The following CSNK1D variants were observed in gnomAD, a reference collection of about 807,000 sequenced individuals.
CSNK1D encodes casein kinase 1 delta.
Under a neutral mutation model 46.6 loss-of-function variants are expected in CSNK1D, and 16 were observed. That is an observed-to-expected ratio of 0.34 (90% CI 0.23 to 0.52). The LOEUF is 0.52. Ranked by LOEUF, CSNK1D falls within the 20% of genes least tolerant of loss-of-function variation. The probability of loss-of-function intolerance (pLI) is 0.95; values close to 1 mark genes in which losing one functional copy is unlikely to be tolerated. For synonymous variants in CSNK1D, 276 were observed against 228.2 expected (o/e 1.21, Z -1.89); for missense variants, 398 against 578.4 (o/e 0.69, Z 3.20).
In CSNK1D at chr17:82,252,537, G is replaced by A. The variant is rs1406932856; in HGVS notation, c.633C>T (p.Leu211=). Residue 211 remains leucine (L), a synonymous_variant, in exon 5 of 9, where the codon CTC becomes CTT. Transcript: ENST00000314028. This position sits in a 1 kb window ranked among gnomAD's most constrained non-coding sequence, Gnocchi z 4.6. ...YVLMYFNLGS[L]PWQGLKAATK... is the part of the protein sequence containing the mutation. ...TGGCAGCCTTCAGCCCCTGCCAGGG[G>A]AGAGAGCCCAGGTTGAAGTACATTA... 1.9e-6 allele frequency: 3 copies of A among 1,614,050 alleles called. No individual in the cohort carries two copies. Among genetic ancestry groups the A allele is most frequent in the Admixed American group, 1.7e-5 (1 of 60,026 alleles).
intron 8 of CSNK1D, chr17:82,245,932 C>A: frequency 6.4e-7 from 1 of 1,563,618 alleles, no homozygotes; most frequent in Non-Finnish European, 8.7e-7. Flanking sequence ...GTGGCTCCCA[C>A]CCACCTGGCG....
Position 82,255,538 on chromosome 17 carries a change from T to C in CSNK1D, c.227A>G (p.Asp76Gly). ...PTIRWCGAEG[D>G]YNVMVMELLG... ...CAGCTCCATCACCATGACGTTGTAGTCCCCCTCTGCCCCGCACCATCTGAT... is the reference window on the plus strand; with the variant it reads ...CAGCTCCATCACCATGACGTTGTAGCCCCCCTCTGCCCCGCACCATCTGAT... The change falls in exon 3 of 9, where the codon GAC (aspartate) becomes GGC (glycine). Residue 76 changes from aspartate to glycine, a missense_variant. Asp to Gly is a moderately conservative substitution (Grantham distance 94, BLOSUM62 -1). This residue lies in a region of CSNK1D where 217 missense variants were observed against 370.3 expected (regional missense o/e 0.59). Transcript: ENST00000314028. The surrounding 1 kb of genome is among the most constrained non-coding windows in gnomAD (Gnocchi z 5.9). 6.2e-7 allele frequency: 1 copy of C among 1,614,072 alleles called. No individual in the cohort carries two copies. Among genetic ancestry groups the C allele is most frequent in the Non-Finnish European group, 8.5e-7 (1 of 1,180,018 alleles).
chr17:82,264,797 C>CTTTTT (rs528693963), intron 2 of CSNK1D, among the ~76,000 whole-genome samples: 1 of 133,360 alleles, frequency 7.5e-6, no homozygotes, highest in African/African-American at 2.9e-5. Context: ...CACACAAAAT[C>CTTTTT]TTTTTTTTTT....
At position 82,255,610 on chromosome 17, in the gene CSNK1D, C is replaced by A. The variant is rs762206641; in HGVS notation, c.188-33G>T. 6.2e-7 allele frequency: 1 copy of A among 1,613,792 alleles called. No homozygotes were observed. Among genetic ancestry groups the A allele is most frequent in the Non-Finnish European group, 8.5e-7 (1 of 1,179,796 alleles). On this transcript the variant is annotated intron_variant, in intron 2 of 8. Transcript: ENST00000314028. This position sits in a 1 kb window ranked among gnomAD's most constrained non-coding sequence, Gnocchi z 5.9. ...AGGAAATCAGACACAGTGTTTCAGT[C>A]CAGGCCCTGCCTCAGCTCCACACTA...
At chr17:82,258,370 T>C (rs963585402) in intron 2 of CSNK1D, among the ~76,000 whole-genome samples, 1 of 151,336 alleles carries the variant, frequency 6.6e-6, no homozygotes, top group African/African-American at 2.4e-5. Context: ...CAAATACACA[T>C]CTACTTTCAG....
chr17:82,258,692 T>G (rs988116430), intron 2 of CSNK1D, among the ~76,000 whole-genome samples: 7 of 152,228 alleles, frequency 4.6e-5, no homozygotes, highest in African/African-American at 1.7e-4. Flanking sequence ...CCGTACCTCA[T>G]AACAAATGCC....
intron 1 of CSNK1D, among the ~76,000 whole-genome samples, chr17:82,268,120 G>A (rs1439573062): frequency 1.3e-5 from 2 of 152,236 alleles, no homozygotes; most frequent in East Asian, 1.9e-4. Context: ...GTCTCTACAG[G>A]GGAGTAGCTG....
intron 8 of CSNK1D, chr17:82,245,852 A>C (rs1246222585): frequency 7.2e-6 from 7 of 968,144 alleles, no homozygotes; most frequent in Non-Finnish European, 9.5e-6. Flanking sequence ...GAGCAGAAGA[A>C]GCCTCACTCT....
intron 1 of CSNK1D, among the ~76,000 whole-genome samples, chr17:82,268,383 C>G (rs1352231075): frequency 1.3e-5 from 2 of 152,268 alleles, no homozygotes; most frequent in Non-Finnish European, 2.9e-5. Context: ...AAGCTGCCAT[C>G]AGTGCACAAG....
rs987178941 is a variant in CSNK1D at position 82,248,546 on chromosome 17, C to T, written c.1197+329G>A. The T allele has an allele frequency of 2.2e-5, 26 of 1,185,236 alleles. No homozygotes were observed. The highest frequency in any genetic ancestry group is 3.2e-5 in the African/African-American group (2 of 63,040). 73.4% of individuals were successfully genotyped at this position (1,185,236 alleles called of 1,614,324 possible). ...GCACCCACAATGGGGCGCAAGCAGG[C>T]GAGCGGTGTCAGCTGCCTGGGGACG... On this transcript the variant is annotated intron_variant, in intron 8 of 8. Transcript: ENST00000314028. This position sits in a 1 kb window ranked among gnomAD's most constrained non-coding sequence, Gnocchi z 4.1.
chr17:82,244,729 C>G lies in CSNK1D; in HGVS notation c.*52G>C. The G allele has an allele frequency of 6.2e-7, 1 of 1,613,304 alleles. No homozygotes were observed. Among genetic ancestry groups the G allele is most frequent in the South Asian group, 1.1e-5 (1 of 91,074 alleles). On this transcript the variant is annotated 3_prime_UTR_variant, in exon 9 of 9. Transcript: ENST00000314028. The stretch of plus-strand genomic sequence containing the variant: ...GTGTCACTAGTAAAGCCATTGGTAA[C>G]AGAGTAGATCAGCCATGCATTGTCT...
At chr17:82,267,127 C>CACA (rs1444760642) in intron 1 of CSNK1D, 4 of 149,938 alleles carry the variant, frequency 2.7e-5, no homozygotes, top group Non-Finnish European at 5.9e-5. Flanking sequence ...GAAAAGAATT[C>CACA]ACACTAGCTT....
chr17:82,259,488 A>C (rs768816119), intron 2 of CSNK1D, among the ~76,000 whole-genome samples: 1 of 152,242 alleles, frequency 6.6e-6, no homozygotes, highest in East Asian at 1.9e-4. Flanking sequence ...GGAAATCTAC[A>C]TAACCACCTT....
chr17:82,241,537 A>T (rs1405323400), downstream of CSNK1D, among the ~76,000 whole-genome samples: 1 of 151,606 alleles, frequency 6.6e-6, no homozygotes, highest in Non-Finnish European at 1.5e-5. Context: ...CAGGGCAGGG[A>T]ACCCCAGGAG....
Position 82,273,443 on chromosome 17 carries a change from G to T in CSNK1D, c.-62C>A. ...CGCTTCCTGGGTCTGAACTCTGGGA[G>T]GCGGCGCCGCTGCTGCCGCTACTGC... On this transcript the variant is annotated 5_prime_UTR_variant, in exon 1 of 9. Coordinates refer to ENST00000314028, the MANE Select transcript of CSNK1D (RefSeq NM_001893.6). This position sits in a 1 kb window ranked among gnomAD's most constrained non-coding sequence, Gnocchi z 5.1. 2 of 1,590,936 alleles carry T rather than the reference G, an allele frequency of 1.3e-6. No homozygotes were observed. The highest frequency in any genetic ancestry group is 1.7e-6 in the Non-Finnish European group (2 of 1,168,378).
In CSNK1D at chr17:82,242,977, C is replaced by A. The variant is rs1330819701; in HGVS notation, c.*1804G>T. 6.1e-6 allele frequency: 6 copies of A among 985,328 alleles called. No homozygotes were observed. The highest frequency in any genetic ancestry group is 6.0e-6 in the Non-Finnish European group (5 of 829,944). 61.0% of individuals were successfully genotyped at this position (985,328 alleles called of 1,614,324 possible). A position where few individuals can be genotyped will look rare whatever the true frequency, so the allele number is the denominator to read the frequency against. ...GCTTGCGCCACTTCAGGCCACAGCG[C>A]GACGTCTCTCCGGGTGGGGGACGTC... On this transcript the variant is annotated 3_prime_UTR_variant, in exon 9 of 9. Transcript: ENST00000314028.
chr17:82,258,029 C>A (rs2051223705), intron 2 of CSNK1D, among the ~76,000 whole-genome samples: 1 of 151,716 alleles, frequency 6.6e-6, no homozygotes, highest in African/African-American at 2.4e-5. Flanking sequence ...CATACTGAGA[C>A]CCCCGTCTCT....
intron 1 of CSNK1D, 67 bp from the exon 2 acceptor site, chr17:82,265,863 G>C: frequency 1.6e-6 from 2 of 1,249,974 alleles, no homozygotes. Flanking sequence ...ACATGCTGGA[G>C]AAACAACAAG....
chr17:82,262,840 T>G (rs900674053), intron 2 of CSNK1D, among the ~76,000 whole-genome samples: 1 of 152,250 alleles, frequency 6.6e-6, no homozygotes, highest in African/African-American at 2.4e-5. Context: ...TTAGGCCTTT[T>G]GCCTTCTCGG....
Sources: allele counts gnomAD v4.1 joint callset (sites outside exome capture counted in the v4.1 genomes callset), GRCh38; gene constraint gnomAD v4.1.1; regional missense constraint gnomAD v4.1.1; non-coding constraint Gnocchi (gnomAD v3.1); transcripts MANE v1.5; gene names NCBI Gene and HGNC (gene_info 2026-07-23, HGNC 2026-07-21).